Variants in TIMP2 observed in about 807,000 individuals in gnomAD.
The protein encoded by TIMP2 is metalloproteinase inhibitor 2.
TIMP2 carries 5 observed loss-of-function variants against 24.3 expected under a neutral mutation model. That is an observed-to-expected ratio of 0.21 (90% CI 0.11 to 0.43). The LOEUF (loss-of-function observed/expected upper bound fraction) is 0.43, where lower values mean the gene tolerates loss of function less well. Among genes scored for constraint, TIMP2 ranks in the 20% least tolerant of loss-of-function variants. TIMP2 has a pLI of 1.00. For missense variants in TIMP2, 221 were observed against 297.5 expected (o/e 0.74, Z 1.89); for synonymous variants, 130 against 123.2 (o/e 1.06, Z -0.37).
At chr17:78,903,425 T>A (rs2070125935) in intron 1 of TIMP2, 1 of 152,286 alleles carries the variant, frequency 6.6e-6, no homozygotes, top group African/African-American at 2.4e-5. Context: ...CTCGTGGCCA[T>A]ACCAGGCAGA....
rs1204679492 is a variant in TIMP2 at position 78,925,141 on chromosome 17, TGCTCGCGGCGGCGG to T, written c.-67_-54del. On this transcript the variant is annotated 5_prime_UTR_variant, in exon 1 of 5. Transcript: ENST00000262768. ...GGCCGCCGCTGGGGGGTCCGGGCGC[TGCTCGCGGCGGCGG>T]GCTGGGGGCGCGGGCGGGGGCTGAG... The T allele has an allele frequency of 2.7e-6, 2 of 735,370 alleles. No homozygotes were observed. The highest frequency in any genetic ancestry group is 4.2e-5 in the African/African-American group (2 of 47,968). 45.6% of individuals were successfully genotyped at this position (735,370 alleles called of 1,614,324 possible).
chr17:78,857,811 T>C (rs966203103), intron 3 of TIMP2, among the ~76,000 whole-genome samples, 165 bp from the exon 4 acceptor site: 6 of 152,228 alleles, frequency 3.9e-5, no homozygotes, highest in Non-Finnish European at 7.3e-5. Context: ...GGCTCACTCC[T>C]GTAATCCCAG....
intron 3 of TIMP2, among the ~76,000 whole-genome samples, chr17:78,862,840 C>T (rs1468261458): frequency 1.3e-5 from 2 of 152,162 alleles, no homozygotes; most frequent in Non-Finnish European, 2.9e-5. Flanking sequence ...GCACTAGTTC[C>T]CTTAGGATAA....
At chr17:78,916,847 G>A (rs2070262848) in intron 1 of TIMP2, among the ~76,000 whole-genome samples, 1 of 152,238 alleles carries the variant, frequency 6.6e-6, no homozygotes, top group South Asian at 2.1e-4. Context: ...CTCTACCACA[G>A]CCACCCTGGG....
At chr17:78,874,295 T>C (rs1034671647) in intron 1 of TIMP2, 5 of 206,664 alleles carry the variant, frequency 2.4e-5, no homozygotes, top group African/African-American at 1.2e-4. Flanking sequence ...GGCTTTTTTT[T>C]TCCTTCTCTC....
chr17:78,882,775 G>T (rs556510660), intron 1 of TIMP2, among the ~76,000 whole-genome samples: 2 of 152,362 alleles, frequency 1.3e-5, no homozygotes, highest in East Asian at 3.9e-4. Context: ...AACTGCCCAG[G>T]GGCACGGGGC....
chr17:78,880,679 G>A (rs2069771783), intron 1 of TIMP2, among the ~76,000 whole-genome samples: 1 of 152,212 alleles, frequency 6.6e-6, no homozygotes, highest in Non-Finnish European at 1.5e-5. Context: ...GGTCCTGGGT[G>A]AAAGAACCAG....
intron 1 of TIMP2, among the ~76,000 whole-genome samples, chr17:78,885,171 C>T (rs970734116): frequency 6.6e-6 from 1 of 152,236 alleles, no homozygotes; most frequent in Non-Finnish European, 1.5e-5. Flanking sequence ...TTCCTGGGTC[C>T]CTGTGGTTTG....
intron 1 of TIMP2, among the ~76,000 whole-genome samples, chr17:78,922,001 T>C (rs556621512): frequency 4.6e-5 from 7 of 152,316 alleles, no homozygotes; most frequent in African/African-American, 1.4e-4. Flanking sequence ...AGCCAGCCTT[T>C]ATTAACCTCC....
chr17:78,858,053 C>T (rs1368242993), intron 3 of TIMP2, among the ~76,000 whole-genome samples: 1 of 149,922 alleles, frequency 6.7e-6, no homozygotes, highest in Non-Finnish European at 1.5e-5. Flanking sequence ...GCCTGGGTGA[C>T]ACAGCAAGAC....
At chr17:78,857,471 C>A in intron 4 of TIMP2, 51 bp downstream of exon 4, 1 of 1,612,188 alleles carries the variant, frequency 6.2e-7, no homozygotes, top group African/African-American at 1.3e-5. Flanking sequence ...TGCCGTCCAT[C>A]TGGAGACACT....
At chr17:78,894,485 G>T (rs1257225370) in intron 1 of TIMP2, among the ~76,000 whole-genome samples, 6 of 152,152 alleles carry the variant, frequency 3.9e-5, no homozygotes, top group Admixed American at 1.3e-4. Flanking sequence ...GAGAGAGAAA[G>T]CTGGGCCCTT....
chr17:78,893,337 ATGTGTGTGCAGGGG>A (rs1365429279), intron 1 of TIMP2, among the ~76,000 whole-genome samples: 12 of 101,740 alleles, frequency 1.2e-4, no homozygotes, highest in South Asian at 7.1e-4. Context: ...GTCTCCATGC[ATGTGTGTGCAGGGG>A]TGTGTGTGCA....
intron 1 of TIMP2, among the ~76,000 whole-genome samples, chr17:78,913,644 G>A (rs1040317884): frequency 5.3e-5 from 8 of 152,130 alleles, no homozygotes; most frequent in African/African-American, 1.9e-4. Flanking sequence ...CCAGGAGGCT[G>A]AGGCTGCAGT....
chr17:78,866,506 C>T (rs1240475234), intron 3 of TIMP2, among the ~76,000 whole-genome samples: 1 of 150,410 alleles, frequency 6.6e-6, no homozygotes, highest in Non-Finnish European at 1.5e-5. Flanking sequence ...TCACCCAACC[C>T]CTCCCCACCC....
chr17:78,895,051 C>T (rs1419359980), intron 1 of TIMP2, among the ~76,000 whole-genome samples: 1 of 152,092 alleles, frequency 6.6e-6, no homozygotes, highest in Non-Finnish European at 1.5e-5. Context: ...GAGGCTGAGG[C>T]GGGCGGATCA....
chr17:78,875,867 C>T (rs1252744448), intron 1 of TIMP2, among the ~76,000 whole-genome samples: 2 of 152,188 alleles, frequency 1.3e-5, no homozygotes, highest in South Asian at 2.1e-4. Context: ...CTCTCTGGAT[C>T]CCAGGCTGGC....
intron 1 of TIMP2, among the ~76,000 whole-genome samples, chr17:78,884,845 A>G (rs2069811664): frequency 6.6e-6 from 1 of 151,900 alleles, no homozygotes; most frequent in Admixed American, 6.6e-5. Flanking sequence ...CACTCTAAAA[A>G]CCCTATTTCC....
At chr17:78,910,607 C>T (rs1298175649) in intron 1 of TIMP2, among the ~76,000 whole-genome samples, 1 of 152,186 alleles carries the variant, frequency 6.6e-6, no homozygotes, top group Admixed American at 6.5e-5. Context: ...CCAACCCTTC[C>T]CAGACTCTAG....
Sources: allele counts gnomAD v4.1 joint callset (sites outside exome capture counted in the v4.1 genomes callset), GRCh38; gene constraint gnomAD v4.1.1; transcripts MANE v1.5; gene names NCBI Gene and HGNC (gene_info 2026-07-23, HGNC 2026-07-21).